The following SPATA16 variants were observed in gnomAD, a reference collection of about 807,000 sequenced individuals.
The protein encoded by SPATA16 is spermatogenesis-associated protein 16.
In SPATA16, 36 loss-of-function variants were observed where a neutral mutation model predicts 63.3. The observed-to-expected ratio is 0.57, with a 90% CI of 0.44 to 0.75. SPATA16 has a LOEUF of 0.75. SPATA16 is among the 30% of genes least tolerant of loss of function. The probability of loss-of-function intolerance (pLI) is 0.00; values close to 1 mark genes in which losing one functional copy is unlikely to be tolerated. For missense variants in SPATA16, 646 were observed against 679.3 expected, an observed-to-expected ratio of 0.95 and a Z score of 0.54; for synonymous variants, 203 against 216.7, an observed-to-expected ratio of 0.94 and a Z score of 0.56.
chr3:173,032,806 C>T (rs368848148), intron 3 of SPATA16, among the ~76,000 whole-genome samples: 13 of 152,070 alleles, frequency 8.5e-5, no homozygotes, highest in Admixed American at 3.3e-4. Context: ...TAATACTCAC[C>T]GTTATCATTC....
Position 173,117,625 on chromosome 3 carries a change from T to C in SPATA16, c.107A>G (p.His36Arg), listed in dbSNP as rs1560128865. ...NTSKKMSTLA[H>R]PPNILEMSQE... is the part of the protein sequence containing the mutation. ...TGACATTTCCAGGATGTTAGGTGGG[T>C]GCGCTAAGGTGGACATTTTCTTGCT... The change falls in exon 2 of 11, where the codon CAC becomes CGC. Residue 36 changes from histidine (H) to arginine (R), a missense_variant. Transcript: ENST00000351008. The C allele has an allele frequency of 6.2e-7, 1 of 1,613,972 alleles. No homozygotes were observed. Among genetic ancestry groups the C allele is most frequent in the Admixed American group, 1.7e-5 (1 of 60,016 alleles).
At chr3:172,998,624 TAGTG>T (rs1734743737) in intron 4 of SPATA16, among the ~76,000 whole-genome samples, 1 of 152,198 alleles carries the variant, frequency 6.6e-6, no homozygotes, top group African/African-American at 2.4e-5. Context: ...CTTCTGATCT[TAGTG>T]AGAAAGTTTC....
At chr3:173,088,091 T>C (rs1168128046) in intron 2 of SPATA16, among the ~76,000 whole-genome samples, 4 of 144,030 alleles carry the variant, frequency 2.8e-5, no homozygotes, top group Admixed American at 7.0e-5. Flanking sequence ...TCTTTTCTTT[T>C]TTTTTTTTTT....
chr3:172,956,630 A>T (rs1368342952), intron 6 of SPATA16, 47 bp downstream of exon 6: 2 of 1,595,396 alleles, frequency 1.3e-6, no homozygotes, highest in Non-Finnish European at 1.7e-6. Context: ...TATTTGTTTT[A>T]TTTGAAACAA....
chr3:173,017,756 G>A (rs1735226065), intron 4 of SPATA16, among the ~76,000 whole-genome samples: 1 of 152,234 alleles, frequency 6.6e-6, no homozygotes, highest in South Asian at 2.1e-4. Flanking sequence ...TCTTTCAATT[G>A]GATTCAAGAT....
chr3:173,048,768 C>T (rs1322805027), intron 3 of SPATA16, among the ~76,000 whole-genome samples, 181 bp downstream of exon 3: 1 of 152,092 alleles, frequency 6.6e-6, no homozygotes, highest in Admixed American at 6.6e-5. Flanking sequence ...CTATTTCTTC[C>T]AGTAGGTTTT....
chr3:172,916,168 T>C, intron 9 of SPATA16, 149 bp downstream of exon 9: 1 of 883,188 alleles, frequency 1.1e-6, no homozygotes. Context: ...TTTTCAGTTT[T>C]GCCATTAGAA....
At chr3:173,130,324 C>T (rs1012272006) in intron 1 of SPATA16, among the ~76,000 whole-genome samples, 1 of 135,256 alleles carries the variant, frequency 7.4e-6, no homozygotes, top group Admixed American at 8.1e-5. Context: ...TGTGCCACTG[C>T]ACTCCAGCCT....
intron 2 of SPATA16, among the ~76,000 whole-genome samples, chr3:173,107,880 G>A (rs1004044011): frequency 1.3e-5 from 2 of 152,068 alleles, no homozygotes. Context: ...AACATGATCC[G>A]ATACTTAAGT....
chr3:173,012,583 G>C (rs994947299), intron 4 of SPATA16, among the ~76,000 whole-genome samples: 3 of 152,094 alleles, frequency 2.0e-5, no homozygotes, highest in East Asian at 1.9e-4. Context: ...AACACACACA[G>C]AGACCTACAG....
At chr3:173,058,397 A>G (rs983327041) in intron 2 of SPATA16, among the ~76,000 whole-genome samples, 4 of 152,128 alleles carry the variant, frequency 2.6e-5, no homozygotes, top group Non-Finnish European at 5.9e-5. Context: ...GTTATATTCT[A>G]TCTGTTATAA....
intron 2 of SPATA16, among the ~76,000 whole-genome samples, chr3:173,109,713 C>T (rs937756775): frequency 1.3e-5 from 2 of 152,046 alleles, no homozygotes; most frequent in African/African-American, 4.8e-5. Context: ...AACAATAACA[C>T]ACTAAACAAA....
At chr3:173,084,782 T>C (rs9876958) in intron 2 of SPATA16, among the ~76,000 whole-genome samples, 5,996 of 152,274 alleles carry the variant, frequency 0.039, 394 homozygotes, top group African/African-American at 0.14. Flanking sequence ...AGGAATCCTT[T>C]CCCCATTGCT....
chr3:172,913,295 C>T (rs1313707957), intron 10 of SPATA16, among the ~76,000 whole-genome samples: 1 of 152,028 alleles, frequency 6.6e-6, no homozygotes, highest in African/African-American at 2.4e-5. Flanking sequence ...AGTCATTATT[C>T]CTCAAGTGAA....
chr3:173,028,023 T>TTTCCTTCCTTCCTTCCTTCCTTCC (rs1224712418), intron 3 of SPATA16, among the ~76,000 whole-genome samples: 38 of 36,676 alleles, frequency 1.0e-3, no homozygotes, highest in African/African-American at 2.5e-3. Flanking sequence ...CCCTTCCTTC[T>TTTCCTTCCTTCCTTCCTTCCTTCC]TTCCTTCCTT....
intron 3 of SPATA16, among the ~76,000 whole-genome samples, chr3:173,036,234 G>A (rs1051082378): frequency 6.6e-6 from 1 of 151,964 alleles, no homozygotes; most frequent in African/African-American, 2.4e-5. Context: ...AAAATGAAAT[G>A]TGTGCCTGTC....
chr3:173,130,358 CAA>C (rs1202660573), intron 1 of SPATA16, among the ~76,000 whole-genome samples: 1,487 of 39,568 alleles, frequency 0.038, 5 homozygotes, highest in South Asian at 0.094. Flanking sequence ...GACTTCGTCT[CAA>C]AAAAAAAAAA....
At chr3:172,939,904 C>G (rs144541454) in intron 6 of SPATA16, among the ~76,000 whole-genome samples, 2 of 152,196 alleles carry the variant, frequency 1.3e-5, no homozygotes, top group Non-Finnish European at 2.9e-5. Context: ...GCCTCCCCCA[C>G]CTCTGGAGAG....
chr3:173,070,864 A>G (rs774745250), intron 2 of SPATA16, among the ~76,000 whole-genome samples: 1 of 152,220 alleles, frequency 6.6e-6, no homozygotes, highest in African/African-American at 2.4e-5. Flanking sequence ...AACAACCAAT[A>G]TGGTTAAAAT....
Sources: allele counts gnomAD v4.1 joint callset (sites outside exome capture counted in the v4.1 genomes callset), GRCh38; gene constraint gnomAD v4.1.1; transcripts MANE v1.5; gene names NCBI Gene and HGNC (gene_info 2026-07-23, HGNC 2026-07-21).